TMEM178B: variants seen among roughly 807,000 people sequenced by gnomAD.
TMEM178B encodes the protein transmembrane protein 178B.
Under a neutral mutation model 31.0 loss-of-function variants are expected in TMEM178B, and 5 were observed. The ratio of observed to expected loss-of-function variants is 0.16; its 90% CI spans 0.08 to 0.34. The LOEUF is 0.34. Ranked by LOEUF, TMEM178B falls within the 10% of genes least tolerant of loss-of-function variation. TMEM178B has a pLI of 1.00. For synonymous variants in TMEM178B, 164 were observed against 164.0 expected (o/e 1.00, Z 0.00); for missense variants, 275 against 400.3 (o/e 0.69, Z 2.67).
chr7:141,424,152 G>A (rs1323863130), intron 2 of TMEM178B, among the ~76,000 whole-genome samples: 7 of 151,936 alleles, frequency 4.6e-5, no homozygotes, highest in South Asian at 2.1e-4. Context: ...TTGAGATTCC[G>A]GCATGGTCCC....
At chr7:141,492,387 T>C in the TMEM178B span, among the ~76,000 whole-genome samples, 2 of 152,234 alleles carry the variant, frequency 1.3e-5, no homozygotes, top group Non-Finnish European at 2.9e-5. Context: ...TTTGCAATTA[T>C]GTTGTTTGTC....
chr7:141,476,847 G>C lies in TMEM178B; in HGVS notation c.*6061G>C, dbSNP rs1802378873. On this transcript the variant is annotated 3_prime_UTR_variant, in exon 4 of 4. Coordinates refer to ENST00000565468, the MANE Select transcript of TMEM178B (RefSeq NM_001195278.2). Reference sequence around the variant, plus strand: ...TTGCTCTCTCTGTAGATAGAGCCCAGCTGGTAACGGGGGAGCCACCCAACT... The same window carrying C: ...TTGCTCTCTCTGTAGATAGAGCCCACCTGGTAACGGGGGAGCCACCCAACT... 1 of 154,890 alleles carries C rather than the reference G, an allele frequency of 6.5e-6. No individual in the cohort carries two copies. The highest frequency in any genetic ancestry group is 2.4e-5 in the African/African-American group (1 of 41,528). The allele number at this position is 154,890 out of a possible 1,614,324, so 9.6% of individuals were successfully genotyped here. A position where few individuals can be genotyped will look rare whatever the true frequency, so the allele number is the denominator to read the frequency against.
rs1796347617 is a variant in TMEM178B at position 141,171,406 on chromosome 7, C to A, written c.383-41185C>A. ...TATGATGTAGGTACTTCTGTGAAAT[C>A]GTTTTTACTGACTGGGAAACAGTCT... On this transcript the variant is annotated intron_variant, in intron 1 of 3. Coordinates refer to ENST00000565468, the MANE Select transcript of TMEM178B (RefSeq NM_001195278.2). The surrounding 1 kb of genome is among the most constrained non-coding windows in gnomAD (Gnocchi z 4.3). Among the ~76,000 whole-genome samples, 1 of 152,182 alleles carries A rather than the reference C, an allele frequency of 6.6e-6. No homozygotes were observed. The highest frequency in any genetic ancestry group is 1.5e-5 in the Non-Finnish European group (1 of 68,028).
intron 1 of TMEM178B, among the ~76,000 whole-genome samples, chr7:141,161,072 G>A (rs898786684): frequency 1.3e-5 from 2 of 152,090 alleles, no homozygotes; most frequent in African/African-American, 4.8e-5. Context: ...GGTCAGGCTG[G>A]TCTTGAACTC....
At chr7:141,326,945 T>G (rs1799201162) in intron 2 of TMEM178B, among the ~76,000 whole-genome samples, 1 of 152,206 alleles carries the variant, frequency 6.6e-6, no homozygotes, top group Non-Finnish European at 1.5e-5. Flanking sequence ...GAATTTAATT[T>G]AACTCACATT....
At chr7:141,481,001 C>G (rs937137753), downstream of TMEM178B, among the ~76,000 whole-genome samples, 6 of 152,198 alleles carry the variant, frequency 3.9e-5, no homozygotes, top group African/African-American at 1.4e-4. Flanking sequence ...ACATGGGTAG[C>G]TGGAAGCCTG....
intron 1 of TMEM178B, among the ~76,000 whole-genome samples, chr7:141,149,540 G>A (rs563307844): frequency 2.0e-5 from 3 of 152,008 alleles, no homozygotes; most frequent in Non-Finnish European, 4.4e-5. Flanking sequence ...AACAACAACA[G>A]CAACAACAAC....
intron 1 of TMEM178B, among the ~76,000 whole-genome samples, chr7:141,146,274 A>G (rs1396715612): frequency 6.6e-6 from 1 of 152,194 alleles, no homozygotes; most frequent in Admixed American, 6.5e-5. Flanking sequence ...CCATCCCCAG[A>G]GGGCCTGTTA....
At chr7:141,503,764 G>T in the TMEM178B span, among the ~76,000 whole-genome samples, 1 of 152,072 alleles carries the variant, frequency 6.6e-6, no homozygotes, top group South Asian at 2.1e-4. Flanking sequence ...ATATATTGAG[G>T]TTTCATGTGC....
At position 141,224,717 on chromosome 7, in the gene TMEM178B, A is replaced by G. The variant is rs181875257; in HGVS notation, c.496+12013A>G. On this transcript the variant is annotated intron_variant, in intron 2 of 3. Transcript: ENST00000565468. ...GGACTCAGATGGAGTTCAGTTCCTT[A>G]GGACTCATGCCTGTAGAAGGGCAGG... Among the ~76,000 whole-genome samples, 246 of 152,310 alleles carry G rather than the reference A, an allele frequency of 1.6e-3. 2 individuals carry two copies. The highest frequency in any genetic ancestry group is 5.7e-3 in the African/African-American group (239 of 41,576).
intron 2 of TMEM178B, among the ~76,000 whole-genome samples, chr7:141,392,366 A>G (rs1027053887): frequency 3.3e-5 from 5 of 152,218 alleles, no homozygotes; most frequent in African/African-American, 9.7e-5. Flanking sequence ...TGAAGTGAAC[A>G]GAGAAATCCA....
At position 141,168,684 on chromosome 7, in the gene TMEM178B, C is replaced by T. The variant is rs549314724; in HGVS notation, c.383-43907C>T. On this transcript the variant is annotated intron_variant, in intron 1 of 3. Coordinates refer to ENST00000565468, the MANE Select transcript of TMEM178B (RefSeq NM_001195278.2). ...ACTTGGGAGGCTGAGGCAGGAGAAT[C>T]GCTTGAGCCCGGGAGGTGGAGGTTG... Among the ~76,000 whole-genome samples the T allele has an allele frequency of 2.6e-4, 40 of 151,956 alleles. 1 individual carries two copies. The East Asian group carries it at 5.4e-3, about 21-fold the overall frequency.
intron 1 of TMEM178B, among the ~76,000 whole-genome samples, chr7:141,104,743 G>T (rs1239948092): frequency 6.6e-6 from 1 of 152,172 alleles, no homozygotes. Flanking sequence ...GCTTGTAGAT[G>T]CTGTCTTCCC....
chr7:141,467,027 C>G (rs1332042588), intron 3 of TMEM178B, among the ~76,000 whole-genome samples: 1 of 152,066 alleles, frequency 6.6e-6, no homozygotes, highest in Non-Finnish European at 1.5e-5. Context: ...CCTCATTCTC[C>G]TCTCCTGCCC....
intron 2 of TMEM178B, among the ~76,000 whole-genome samples, chr7:141,428,690 T>C (rs1175798953): frequency 6.6e-6 from 1 of 152,176 alleles, no homozygotes; most frequent in African/African-American, 2.4e-5. Flanking sequence ...ATGGAAACCC[T>C]GGAACCATGC....
intron 2 of TMEM178B, among the ~76,000 whole-genome samples, chr7:141,213,919 T>G (rs1479022892): frequency 6.6e-6 from 1 of 152,166 alleles, no homozygotes; most frequent in African/African-American, 2.4e-5. Context: ...CCGGGCTGTT[T>G]CCCCTACAAG....
intron 3 of TMEM178B, among the ~76,000 whole-genome samples, chr7:141,453,060 T>G (rs1586970723): frequency 1.3e-5 from 2 of 152,356 alleles, no homozygotes; most frequent in South Asian, 4.1e-4. Flanking sequence ...AAGGCTCAAC[T>G]TACAGATAGC....
chr7:141,086,373 G>A (rs1390802433), intron 1 of TMEM178B, among the ~76,000 whole-genome samples: 2 of 152,166 alleles, frequency 1.3e-5, no homozygotes, highest in Non-Finnish European at 2.9e-5. Flanking sequence ...CAAATATACT[G>A]TAATCATTTC....
At chr7:141,169,793 T>C (rs771686374) in intron 1 of TMEM178B, among the ~76,000 whole-genome samples, 13 of 152,246 alleles carry the variant, frequency 8.5e-5, no homozygotes, top group Non-Finnish European at 1.3e-4. Flanking sequence ...TTTCAGACTT[T>C]TATATTATAT....
Sources: gnomAD v4.1 joint callset for allele counts (sites outside exome capture counted in the v4.1 genomes callset) on GRCh38, gnomAD v4.1.1 for gene constraint, Gnocchi (gnomAD v3.1) non-coding constraint, MANE v1.5 for transcripts, NCBI Gene and HGNC (gene_info 2026-07-23, HGNC 2026-07-21) for gene names.